SFXN5: variants seen among roughly 807,000 people sequenced by gnomAD.
SFXN5 encodes the protein sideroflexin-5.
A neutral mutation model predicts 50.2 loss-of-function variants in SFXN5; 43 were observed. The ratio of observed to expected loss-of-function variants is 0.86; its 90% CI spans 0.67 to 1.11. The LOEUF (loss-of-function observed/expected upper bound fraction) is 1.11, where lower values mean the gene tolerates loss of function less well. SFXN5 is among the 50% of genes least tolerant of loss of function. The pLI is 0.00. For missense variants in SFXN5, 463 were observed against 454.1 expected, an observed-to-expected ratio of 1.02 and a Z score of -0.18; for synonymous variants, 203 against 185.8, an observed-to-expected ratio of 1.09 and a Z score of -0.75.
At chr2:72,955,428 C>A (rs899827901) in intron 13 of SFXN5, among the ~76,000 whole-genome samples, 1 of 152,184 alleles carries the variant, frequency 6.6e-6, no homozygotes, top group Admixed American at 6.5e-5. Flanking sequence ...CGTTCCCCAG[C>A]CCCCGAGCTC....
chr2:73,035,060 C>T (rs1192164481), intron 3 of SFXN5, among the ~76,000 whole-genome samples: 1 of 152,214 alleles, frequency 6.6e-6, no homozygotes, highest in African/African-American at 2.4e-5. Flanking sequence ...TGCAACCTCT[C>T]TGAGTCTCAC....
intron 1 of SFXN5, among the ~76,000 whole-genome samples, 172 bp from the exon 2 acceptor site, chr2:73,058,768 TGA>T (rs1410254748): frequency 6.6e-6 from 1 of 152,132 alleles, no homozygotes; most frequent in Non-Finnish European, 1.5e-5. Flanking sequence ...TTCCTGGGGC[TGA>T]GAGTTTTCCA....
chr2:72,983,355 TG>T (rs1378839869), intron 10 of SFXN5, among the ~76,000 whole-genome samples: 1 of 152,108 alleles, frequency 6.6e-6, no homozygotes, highest in Non-Finnish European at 1.5e-5. Context: ...AAATAAATCC[TG>T]ACATTTAACA....
At chr2:73,021,845 G>T (rs1676940263) in intron 5 of SFXN5, among the ~76,000 whole-genome samples, 1 of 152,190 alleles carries the variant, frequency 6.6e-6, no homozygotes, top group African/African-American at 2.4e-5. Context: ...CAACTGCTGG[G>T]GGGATAAGCA....
intron 6 of SFXN5, among the ~76,000 whole-genome samples, chr2:73,005,622 T>C (rs751870368): frequency 6.6e-6 from 1 of 152,202 alleles, no homozygotes; most frequent in East Asian, 1.9e-4. Context: ...AGTTCTTTCC[T>C]GGCCTTTGCT....
intron 3 of SFXN5, among the ~76,000 whole-genome samples, chr2:73,024,332 C>A (rs980834826): frequency 7.9e-5 from 12 of 152,066 alleles, no homozygotes; most frequent in Non-Finnish European, 1.5e-4. Context: ...CAGGCCTTTT[C>A]AAATCAAGGA....
chr2:72,968,414 T>C (rs777750002), intron 12 of SFXN5, 34 bp downstream of exon 12: 35 of 854,280 alleles, frequency 4.1e-5, no homozygotes, highest in East Asian at 3.0e-4. Flanking sequence ...TCCTCCCCCA[T>C]GGTGGCCTCT....
At chr2:73,008,574 C>T (rs2105752483) in intron 6 of SFXN5, among the ~76,000 whole-genome samples, 1 of 152,296 alleles carries the variant, frequency 6.6e-6, no homozygotes, top group South Asian at 2.1e-4. Context: ...CCGGGCCCTG[C>T]CTCTCCCAGG....
chr2:72,971,503 C>G, intron 11 of SFXN5, 67 bp downstream of exon 11: 1 of 1,149,616 alleles, frequency 8.7e-7, no homozygotes, highest in Non-Finnish European at 1.3e-6. Flanking sequence ...GGAAGACACA[C>G]GCTAAAGGAA....
intron 10 of SFXN5, among the ~76,000 whole-genome samples, chr2:72,984,662 G>T: frequency 6.6e-6 from 1 of 152,218 alleles, no homozygotes; most frequent in East Asian, 1.9e-4. Context: ...AGAGAGGCTT[G>T]CTAGGGAATA....
In SFXN5 at chr2:72,953,858, AG is replaced by A. The variant is rs1672796906; in HGVS notation, c.945+7272del. Among the ~76,000 whole-genome samples the A allele has an allele frequency of 6.6e-6, 1 of 152,212 alleles. No individual in the cohort carries two copies. Reference sequence around the variant, plus strand: ...GGGGACTTTGCTTCTGGTGGCTCACAGCTGTTTAGCCAGGCTGGTTCATCAA... The same window carrying A: ...GGGGACTTTGCTTCTGGTGGCTCACACTGTTTAGCCAGGCTGGTTCATCAA... On this transcript the variant is annotated intron_variant, in intron 13 of 13. Coordinates refer to ENST00000272433, the MANE Select transcript of SFXN5 (RefSeq NM_144579.3). This position sits in a 1 kb window ranked among gnomAD's most constrained non-coding sequence, Gnocchi z 4.1.
Position 73,001,669 on chromosome 2 carries a change from C to T in SFXN5, c.358-91G>A, listed in dbSNP as rs1673934553. On this transcript the variant is annotated intron_variant, in intron 6 of 13. Transcript: ENST00000272433. The stretch of plus-strand genomic sequence containing the variant: ...AAATACGCTACCACAAATGAGTGAG[C>T]TGGATCTGTACAAACTGATGTGGTA... 5.6e-6 allele frequency: 7 copies of T among 1,257,568 alleles called. No homozygotes were observed. In the Admixed American group the frequency reaches 1.3e-4, roughly 23 times the overall value. 77.9% of individuals were successfully genotyped at this position (1,257,568 alleles called of 1,614,324 possible).
At position 72,953,482 on chromosome 2, in the gene SFXN5, T is replaced by C. The variant is rs771603126; in HGVS notation, c.945+7649A>G. Reference sequence around the variant, plus strand: ...ATTGTCTCTGGCCTCGCATCAACCCTGGAAGAGTGGGAGAAGCAGGGACCA... The same window carrying C: ...ATTGTCTCTGGCCTCGCATCAACCCCGGAAGAGTGGGAGAAGCAGGGACCA... On this transcript the variant is annotated intron_variant, in intron 13 of 13. Coordinates refer to ENST00000272433, the MANE Select transcript of SFXN5 (RefSeq NM_144579.3). This position sits in a 1 kb window ranked among gnomAD's most constrained non-coding sequence, Gnocchi z 4.1. 2.3e-4 allele frequency among the ~76,000 whole-genome samples: 35 copies of C among 152,226 alleles called. No homozygotes were observed. Among genetic ancestry groups the C allele is most frequent in the Admixed American group, 1.2e-3 (18 of 15,292 alleles).
chr2:72,955,340 T>C (rs1267375908), intron 13 of SFXN5, among the ~76,000 whole-genome samples: 1 of 152,034 alleles, frequency 6.6e-6, no homozygotes, highest in Non-Finnish European at 1.5e-5. Context: ...AACCTTTTGC[T>C]CCTCTCCTGC....
At chr2:73,009,585 T>C (rs1455229986) in intron 6 of SFXN5, among the ~76,000 whole-genome samples, 1 of 152,206 alleles carries the variant, frequency 6.6e-6, no homozygotes, top group African/African-American at 2.4e-5. Flanking sequence ...CTGGGAGGTA[T>C]CCCAGGCCAT....
In SFXN5 at chr2:73,001,530, A is replaced by C. The variant is rs770497090; in HGVS notation, c.406T>G (p.Trp136Gly). 2 of 1,614,216 alleles carry C rather than the reference A, an allele frequency of 1.2e-6. No homozygotes were observed. The highest frequency in any genetic ancestry group is 2.7e-5 in the African/African-American group (2 of 75,074). The change falls in exon 7 of 14, where the codon TGG (tryptophan) becomes GGG (glycine). Residue 136 changes from tryptophan (W) to glycine (G), a missense_variant. Coordinates refer to ENST00000272433, the MANE Select transcript of SFXN5 (RefSeq NM_144579.3). The stretch of plus-strand genomic sequence containing the variant: ...GTTTGCTGCGAGACTGTTACCTGCC[A>C]GAAGACAGTGGATGCCAGTGTCTGG... The part of the protein sequence containing the change: ...PNQTLASTVF[W>G]QWLNQSHNAC...
At chr2:73,047,245 AATATAT>A (rs1167103035) in intron 2 of SFXN5, among the ~76,000 whole-genome samples, 225 of 18,900 alleles carry the variant, frequency 0.012, 8 homozygotes, top group African/African-American at 0.03. Context: ...AAAAAAAAAA[AATATAT>A]ATATATATAT....
rs1573958242 is a variant in SFXN5 at position 72,960,301 on chromosome 2, C to T, written c.945+830G>A. ...CTGGCTCCATCTCATTAAGCACCTA[C>T]ATCTGCCTGGTTGTTCAAAACCAGA... On this transcript the variant is annotated intron_variant, in intron 13 of 13. Transcript: ENST00000272433. This position sits in a 1 kb window ranked among gnomAD's most constrained non-coding sequence, Gnocchi z 6.1. Among the ~76,000 whole-genome samples, 2 of 152,158 alleles carry T rather than the reference C, an allele frequency of 1.3e-5. No homozygotes were observed. Among genetic ancestry groups the T allele is most frequent in the African/African-American group, 4.8e-5 (2 of 41,432 alleles).
In SFXN5 at chr2:72,988,331, C is replaced by T. The variant is rs1672155096; in HGVS notation, c.552G>A (p.Leu184=). Residue 184 remains leucine, a synonymous_variant, in exon 10 of 14, where the codon CTG becomes CTA. Coordinates refer to ENST00000272433, the MANE Select transcript of SFXN5 (RefSeq NM_144579.3). ...GGGTGAACTTGTTGGCTTTCTGAAC[C>T]AGGACATTAAGGCCCACCTTTGAAA... ...AVSIAVGLNV[L]VQKANKFTPA... is the part of the protein sequence containing the mutation. 1 of 1,613,836 alleles carries T rather than the reference C, an allele frequency of 6.2e-7. No homozygotes were observed. Among genetic ancestry groups the T allele is most frequent in the Non-Finnish European group, 8.5e-7 (1 of 1,179,830 alleles).
Sources: allele counts gnomAD v4.1 joint callset (sites outside exome capture counted in the v4.1 genomes callset), GRCh38; gene constraint gnomAD v4.1.1; non-coding constraint Gnocchi (gnomAD v3.1); transcripts MANE v1.5; gene names NCBI Gene and HGNC (gene_info 2026-07-23, HGNC 2026-07-21).